Variants in ZSWIM6 observed in about 807,000 individuals in gnomAD.
The protein encoded by ZSWIM6 is zinc finger SWIM domain-containing protein 6.
A neutral mutation model predicts 113.2 loss-of-function variants in ZSWIM6; 9 were observed. The observed-to-expected ratio is 0.08, with a 90% CI of 0.05 to 0.14. The LOEUF is 0.14. Ranked by LOEUF, ZSWIM6 falls within the 10% of genes least tolerant of loss-of-function variation. The pLI, the probability that ZSWIM6 is intolerant of heterozygous loss-of-function variation, is 1.00. For missense variants in ZSWIM6, 1,162 were observed against 1,552.2 expected (o/e 0.75, Z 4.22); for synonymous variants, 611 against 606.5 (o/e 1.01, Z -0.11).
chr5:61,334,621 T>C (rs1380066796), intron 1 of ZSWIM6, among the ~76,000 whole-genome samples: 1 of 152,218 alleles, frequency 6.6e-6, no homozygotes, highest in Non-Finnish European at 1.5e-5. Context: ...GTTTTCTGCA[T>C]GGTCATTTAT....
intron 1 of ZSWIM6, among the ~76,000 whole-genome samples, chr5:61,423,941 G>A (rs1746408176): frequency 6.6e-6 from 1 of 152,034 alleles, no homozygotes; most frequent in Admixed American, 6.6e-5. Context: ...CCTCTCCCCC[G>A]TAAATGAGCA....
At chr5:61,448,857 T>C (rs1747023952) in intron 1 of ZSWIM6, among the ~76,000 whole-genome samples, 1 of 152,220 alleles carries the variant, frequency 6.6e-6, no homozygotes, top group African/African-American at 2.4e-5. Flanking sequence ...TGAAGTAGTC[T>C]GAAAAAAATC....
At chr5:61,497,309 T>C (rs1165703747) in intron 4 of ZSWIM6, among the ~76,000 whole-genome samples, 1 of 152,174 alleles carries the variant, frequency 6.6e-6, no homozygotes, top group Non-Finnish European at 1.5e-5. Flanking sequence ...TTACATGTGA[T>C]CTATGAAAAT....
At chr5:61,483,212 ACG>A in intron 2 of ZSWIM6, among the ~76,000 whole-genome samples, 1 of 152,270 alleles carries the variant, frequency 6.6e-6, no homozygotes, top group South Asian at 2.1e-4. Flanking sequence ...GCATGCTAAC[ACG>A]CTAGCTTAGG....
intron 5 of ZSWIM6, among the ~76,000 whole-genome samples, chr5:61,522,579 T>C (rs756192627): frequency 2.6e-5 from 4 of 152,226 alleles, no homozygotes; most frequent in Non-Finnish European, 5.9e-5. Context: ...TTTTAGGACT[T>C]GAGAAAGACA....
chr5:61,364,436 G>A (rs1745109852), intron 1 of ZSWIM6, among the ~76,000 whole-genome samples: 1 of 151,406 alleles, frequency 6.6e-6, no homozygotes, highest in Admixed American at 6.6e-5. Context: ...ATTTTTTAGT[G>A]GTTGGAAAAA....
At chr5:61,427,864 G>A (rs757443798) in intron 1 of ZSWIM6, among the ~76,000 whole-genome samples, 25 of 151,928 alleles carry the variant, frequency 1.6e-4, no homozygotes, top group Non-Finnish European at 3.5e-4. Context: ...TTTATTTAAT[G>A]CTAATAAAAC....
At chr5:61,338,211 G>A (rs1744447005) in intron 1 of ZSWIM6, among the ~76,000 whole-genome samples, 1 of 150,798 alleles carries the variant, frequency 6.6e-6, no homozygotes, top group African/African-American at 2.4e-5. Context: ...AACATTATTA[G>A]AATTAAGATG....
chr5:61,351,983 C>A (rs1203290313), intron 1 of ZSWIM6, among the ~76,000 whole-genome samples: 1 of 152,138 alleles, frequency 6.6e-6, no homozygotes, highest in African/African-American at 2.4e-5. Context: ...TCATACCTAC[C>A]CTGTGCAGAA....
intron 4 of ZSWIM6, among the ~76,000 whole-genome samples, chr5:61,516,649 A>C (rs1232846334): frequency 6.6e-6 from 1 of 151,374 alleles, no homozygotes; most frequent in Non-Finnish European, 1.5e-5. Flanking sequence ...AAAACTCCAC[A>C]AAATGGTGCT....
rs1222402515 is a variant in ZSWIM6, at chr5:61,545,173, A to G, written c.*856A>G. The stretch of plus-strand genomic sequence containing the variant: ...GTGGTGAACTTCATGCTGGGCATCT[A>G]TGCAGAGCCACCTTTTGGATTGCAT... On this transcript the variant is annotated 3_prime_UTR_variant, in exon 14 of 14. Coordinates refer to ENST00000252744, the MANE Select transcript of ZSWIM6 (RefSeq NM_020928.2). 3.3e-5 allele frequency: 5 copies of G among 151,950 alleles called. No individual in the cohort carries two copies. Among genetic ancestry groups the G allele is most frequent in the South Asian group, 2.1e-4 (1 of 4,814 alleles). 9.4% of individuals were successfully genotyped at this position (151,950 alleles called of 1,614,324 possible).
At chr5:61,434,021 T>A (rs2112138608) in intron 1 of ZSWIM6, among the ~76,000 whole-genome samples, 1 of 146,816 alleles carries the variant, frequency 6.8e-6, no homozygotes, top group South Asian at 2.1e-4. Flanking sequence ...ATATGTATAA[T>A]AGAAAAATAT....
At chr5:61,444,775 C>T (rs1353308581) in intron 1 of ZSWIM6, among the ~76,000 whole-genome samples, 3 of 152,162 alleles carry the variant, frequency 2.0e-5, no homozygotes, top group Non-Finnish European at 4.4e-5. Flanking sequence ...CCCACCTCTT[C>T]TGTGATACTC....
chr5:61,361,576 A>G (rs969289833), intron 1 of ZSWIM6, among the ~76,000 whole-genome samples: 4 of 152,232 alleles, frequency 2.6e-5, no homozygotes, highest in Non-Finnish European at 4.4e-5. Context: ...GGTTATTTGT[A>G]AGAAGTTATG....
At chr5:61,399,068 G>A (rs1579975982) in intron 1 of ZSWIM6, among the ~76,000 whole-genome samples, 1 of 151,276 alleles carries the variant, frequency 6.6e-6, no homozygotes, top group Non-Finnish European at 1.5e-5. Flanking sequence ...GACTACAGAC[G>A]CATGCCACCA....
chr5:61,439,198 T>G (rs1746773806), intron 1 of ZSWIM6, among the ~76,000 whole-genome samples: 1 of 152,204 alleles, frequency 6.6e-6, no homozygotes. Context: ...CAAATGACTT[T>G]TATTTTTCTG....
intron 1 of ZSWIM6, among the ~76,000 whole-genome samples, chr5:61,337,669 A>T (rs940071122): frequency 8.5e-5 from 13 of 152,252 alleles, no homozygotes; most frequent in African/African-American, 2.9e-4. Flanking sequence ...AATATTTTAA[A>T]ACAAGTTAAA....
At chr5:61,389,930 A>G (rs4490539) in intron 1 of ZSWIM6, among the ~76,000 whole-genome samples, 45,749 of 152,168 alleles carry the variant, frequency 0.3, 7,309 homozygotes, top group Admixed American at 0.35. Flanking sequence ...TCTCTGACCA[A>G]TCTAGGGAAT....
chr5:61,367,370 C>G (rs1400829300), intron 1 of ZSWIM6, among the ~76,000 whole-genome samples: 1 of 152,134 alleles, frequency 6.6e-6, no homozygotes, highest in Non-Finnish European at 1.5e-5. Context: ...ATCCTCCCAA[C>G]TCAGCCTCCT....
Sources: allele counts gnomAD v4.1 joint callset (sites outside exome capture counted in the v4.1 genomes callset), GRCh38; gene constraint gnomAD v4.1.1; transcripts MANE v1.5; gene names NCBI Gene and HGNC (gene_info 2026-07-23, HGNC 2026-07-21).